The following PPP3CA variants were observed in gnomAD, a reference collection of about 807,000 sequenced individuals.
The protein encoded by PPP3CA is protein phosphatase 3 catalytic subunit alpha, also known as CAM-PRP catalytic subunit.
In PPP3CA, 14 loss-of-function variants were observed where a neutral mutation model predicts 66.5. The ratio of observed to expected loss-of-function variants is 0.21; its 90% CI spans 0.14 to 0.33. The LOEUF (loss-of-function observed/expected upper bound fraction) is 0.33, where lower values mean the gene tolerates loss of function less well. PPP3CA is among the 10% of genes least tolerant of loss of function. The pLI is 1.00. For missense variants in PPP3CA, 317 were observed against 639.5 expected (o/e 0.50, Z 5.44); for synonymous variants, 232 against 226.2 (o/e 1.03, Z -0.23).
intron 2 of PPP3CA, among the ~76,000 whole-genome samples, chr4:101,159,760 T>C (rs569751463): frequency 1.5e-4 from 23 of 152,112 alleles, no homozygotes; most frequent in Admixed American, 1.1e-3. Context: ...GATTGCAAAA[T>C]ACCAGAAATA....
At position 101,137,416 on chromosome 4, in the gene PPP3CA, TG is replaced by T. The variant is rs201469008; in HGVS notation, c.260-28339del. On this transcript the variant is annotated intron_variant, in intron 2 of 13. Coordinates refer to ENST00000394854, the MANE Select transcript of PPP3CA (RefSeq NM_000944.5). ...GAGACAACAAAGCTGGCTGTCTCTG[TG>T]GCTGAGGAATGGTTTGCAGTTCCCA... Among the ~76,000 whole-genome samples, 795 of 152,242 alleles carry T rather than the reference TG, an allele frequency of 5.2e-3. 7 individuals carry two copies. The highest frequency in any genetic ancestry group is 0.018 in the African/African-American group (749 of 41,536).
At chr4:101,293,619 C>T (rs1182350972) in intron 1 of PPP3CA, among the ~76,000 whole-genome samples, 2 of 152,184 alleles carry the variant, frequency 1.3e-5, no homozygotes, top group Non-Finnish European at 2.9e-5. Context: ...CATTTTTCCA[C>T]ATGTAGAAGA....
In PPP3CA at chr4:101,107,425, A is replaced by C. The variant is rs1730801548; in HGVS notation, c.384+1529T>G. Among the ~76,000 whole-genome samples the C allele has an allele frequency of 2.0e-5, 3 of 152,218 alleles. No individual in the cohort carries two copies. The South Asian group carries it at 6.2e-4, about 31-fold the overall frequency. On this transcript the variant is annotated intron_variant, in intron 3 of 13. Transcript: ENST00000394854. The stretch of plus-strand genomic sequence containing the variant: ...ATTTCTTTAAATTCCTCACAGTCCT[A>C]TTCATGGTGCATATACATTTTATAT...
intron 2 of PPP3CA, among the ~76,000 whole-genome samples, chr4:101,135,974 AAAT>A (rs1300527036): frequency 6.6e-6 from 1 of 152,218 alleles, no homozygotes; most frequent in African/African-American, 2.4e-5. Flanking sequence ...TGTAAAACTG[AAAT>A]AATAATATTC....
At chr4:101,050,690 C>T (rs1012004084) in intron 10 of PPP3CA, among the ~76,000 whole-genome samples, 1 of 152,142 alleles carries the variant, frequency 6.6e-6, no homozygotes, top group Non-Finnish European at 1.5e-5. Context: ...AGCTGACTGA[C>T]CTACTTCACT....
intron 13 of PPP3CA, among the ~76,000 whole-genome samples, chr4:101,027,903 T>C (rs1228974878): frequency 5.3e-5 from 8 of 152,154 alleles, no homozygotes; most frequent in Non-Finnish European, 7.4e-5. Context: ...GTATTAGCAA[T>C]TTACATTGGT....
intron 1 of PPP3CA, among the ~76,000 whole-genome samples, chr4:101,255,864 T>C (rs1180931982): frequency 6.6e-6 from 1 of 151,970 alleles, no homozygotes; most frequent in Non-Finnish European, 1.5e-5. Flanking sequence ...TGTGTTAATG[T>C]TATTTTTTCA....
intron 2 of PPP3CA, among the ~76,000 whole-genome samples, chr4:101,109,994 G>C (rs992522807): frequency 1.6e-4 from 24 of 152,104 alleles, no homozygotes; most frequent in African/African-American, 5.6e-4. Flanking sequence ...AAAAATAAAT[G>C]ACCCAGGGCT....
intron 2 of PPP3CA, among the ~76,000 whole-genome samples, chr4:101,168,570 A>G (rs1429502432): frequency 6.6e-6 from 1 of 152,200 alleles, no homozygotes; most frequent in Non-Finnish European, 1.5e-5. Context: ...AGAACCTCCA[A>G]GGAGACTAAG....
At chr4:101,106,061 C>T (rs114760673) in intron 3 of PPP3CA, among the ~76,000 whole-genome samples, 2,208 of 152,024 alleles carry the variant, frequency 0.015, 25 homozygotes, top group Non-Finnish European at 0.023. Context: ...GGTTTGCACA[C>T]TTTGTAATCT....
At chr4:101,263,749 T>C (rs930111966) in intron 1 of PPP3CA, among the ~76,000 whole-genome samples, 14 of 152,124 alleles carry the variant, frequency 9.2e-5, no homozygotes, top group African/African-American at 3.4e-4. Context: ...GTCAGTTCTT[T>C]TGTTCAGACA....
intron 1 of PPP3CA, among the ~76,000 whole-genome samples, chr4:101,320,957 A>C (rs1214903023): frequency 6.6e-6 from 1 of 152,238 alleles, no homozygotes; most frequent in Non-Finnish European, 1.5e-5. Flanking sequence ...ACTACAGGGC[A>C]GTGAAGCCAC....
intron 12 of PPP3CA, 89 bp from the exon 13 acceptor site, chr4:101,029,284 A>C: frequency 8.7e-7 from 1 of 1,153,208 alleles, no homozygotes; most frequent in East Asian, 2.8e-5. Flanking sequence ...CCATCAAAGG[A>C]GCTAAGAGAA....
intron 1 of PPP3CA, among the ~76,000 whole-genome samples, chr4:101,281,001 T>G (rs1175815134): frequency 6.6e-6 from 1 of 152,058 alleles, no homozygotes; most frequent in Non-Finnish European, 1.5e-5. Flanking sequence ...CAGCCTATGA[T>G]GCAGGAGGAG....
intron 2 of PPP3CA, among the ~76,000 whole-genome samples, chr4:101,165,693 T>C (rs938473450): frequency 6.6e-6 from 1 of 152,170 alleles, no homozygotes; most frequent in African/African-American, 2.4e-5. Context: ...ATTGGCCATA[T>C]ACAAGCACAA....
At chr4:101,115,098 C>T (rs1420562154) in intron 2 of PPP3CA, among the ~76,000 whole-genome samples, 1 of 151,950 alleles carries the variant, frequency 6.6e-6, no homozygotes, top group Non-Finnish European at 1.5e-5. Flanking sequence ...TAGATTACAG[C>T]AAAGTAGTGC....
intron 1 of PPP3CA, among the ~76,000 whole-genome samples, chr4:101,332,364 A>G (rs973928873): frequency 6.6e-6 from 1 of 152,204 alleles, no homozygotes; most frequent in African/African-American, 2.4e-5. Context: ...TTCAGTCAAG[A>G]TGAGATAGCA....
chr4:101,152,120 G>A (rs1037990473), intron 2 of PPP3CA, among the ~76,000 whole-genome samples: 9 of 152,170 alleles, frequency 5.9e-5, no homozygotes, highest in Non-Finnish European at 1.5e-5. Context: ...AGCAGAGGTA[G>A]TATTCTAAAT....
chr4:101,040,672 T>C, intron 10 of PPP3CA, 106 bp from the exon 11 acceptor site: 1 of 865,836 alleles, frequency 1.2e-6, no homozygotes, highest in Non-Finnish European at 1.7e-6. Flanking sequence ...ATCAGTATTT[T>C]TTTTTTTTCC....
Sources: allele counts gnomAD v4.1 joint callset (sites outside exome capture counted in the v4.1 genomes callset), GRCh38; gene constraint gnomAD v4.1.1; transcripts MANE v1.5; gene names NCBI Gene and HGNC (gene_info 2026-07-23, HGNC 2026-07-21).